The following NUDT14 variants were observed in gnomAD, a reference collection of about 807,000 sequenced individuals.
NUDT14 encodes nudix hydrolase 14.
In NUDT14, 22 loss-of-function variants were observed where a neutral mutation model predicts 17.5. The observed-to-expected ratio is 1.26, with a 90% CI of 0.90 to 1.80. The LOEUF is 1.80. NUDT14 is among the 40% of genes most tolerant of loss of function. The probability of loss-of-function intolerance (pLI) is 0.00; values close to 1 mark genes in which losing one functional copy is unlikely to be tolerated. For synonymous variants in NUDT14, 129 were observed against 125.8 expected (o/e 1.03, Z -0.17); for missense variants, 296 against 295.6 (o/e 1.00, Z -0.01).
intron 4 of NUDT14, among the ~76,000 whole-genome samples, chr14:105,175,309 C>T (rs587700491): frequency 3.9e-5 from 6 of 152,372 alleles, no homozygotes; most frequent in African/African-American, 7.2e-5. Flanking sequence ...TGGCCCACCA[C>T]GGGGTAGACA....
chr14:105,175,048 G>C (rs1171563477), intron 4 of NUDT14, among the ~76,000 whole-genome samples: 1 of 152,222 alleles, frequency 6.6e-6, no homozygotes, highest in African/African-American at 2.4e-5. Context: ...GTCTAAGCAG[G>C]ATGCCTACTT....
chr14:105,174,436 A>G (rs1247694990), intron 4 of NUDT14, among the ~76,000 whole-genome samples: 2 of 151,996 alleles, frequency 1.3e-5, no homozygotes, highest in Non-Finnish European at 2.9e-5. Flanking sequence ...GGCCAGCCGG[A>G]GGCCTGCAGG....
Position 105,176,553 on chromosome 14 carries a change from G to C in NUDT14, c.409C>G (p.Arg137Gly). Residue 137 changes from arginine to glycine, a missense_variant, in exon 4 of 5, where the codon CGC becomes GGC. Coordinates refer to ENST00000392568, the MANE Select transcript of NUDT14 (RefSeq NM_177533.5). ...CGYHLAPSDLRRVATYWSGVG... is the reference protein window; with the variant it reads ...CGYHLAPSDLGRVATYWSGVG... Reference sequence around the variant, plus strand: ...ACTCACCAGTATGTGGCGACCCGGCGCAGATCAGAGGGGGCCAAGTGGTAG... The same window carrying C: ...ACTCACCAGTATGTGGCGACCCGGCCCAGATCAGAGGGGGCCAAGTGGTAG... 6.2e-7 allele frequency: 1 copy of C among 1,612,532 alleles called. No individual in the cohort carries two copies. Among genetic ancestry groups the C allele is most frequent in the Non-Finnish European group, 8.5e-7 (1 of 1,179,772 alleles).
rs780336564 is a variant in NUDT14 at position 105,173,244 on chromosome 14, G to C, written c.446C>G (p.Thr149Ser). 5.7e-6 allele frequency: 9 copies of C among 1,576,322 alleles called. No homozygotes were observed. In the South Asian group the frequency reaches 7.1e-5, roughly 12 times the overall value. ...VATYWSGVGLTGSRQTMFYTE... is the reference protein window; with the variant it reads ...VATYWSGVGLSGSRQTMFYTE... ...GTAGAACATGGTCTGTCTGGAGCCA[G>C]TCAGTCCCACTCCAGACCTACGGGT... Residue 149 changes from threonine to serine, a missense_variant, in exon 5 of 5, where the codon ACT becomes AGT. Physicochemically the swap from Thr to Ser is moderately conservative, Grantham distance 58. Coordinates refer to ENST00000392568, the MANE Select transcript of NUDT14 (RefSeq NM_177533.5). The surrounding 1 kb of genome is among the most constrained non-coding windows in gnomAD (Gnocchi z 4.7).
In NUDT14 at chr14:105,177,672, A is replaced by G; in HGVS notation, c.125+20T>C. 6.2e-7 allele frequency: 1 copy of G among 1,611,324 alleles called. No individual in the cohort carries two copies. Among genetic ancestry groups the G allele is most frequent in the Non-Finnish European group, 8.5e-7 (1 of 1,178,876 alleles). On this transcript the variant is annotated intron_variant, in intron 2 of 4. Coordinates refer to ENST00000392568, the MANE Select transcript of NUDT14 (RefSeq NM_177533.5). ...TCAGTCTGGGGCTTCCCCAGTGGCC[A>G]GGCTGGGCCAGGCTCTCACCTGTCA...
At chr14:105,176,065 G>A in intron 4 of NUDT14, 1 of 1,154,658 alleles carries the variant, frequency 8.7e-7, no homozygotes, top group Non-Finnish European at 1.1e-6. Flanking sequence ...CCCTCGCGGG[G>A]CAAGAGTTGG....
Position 105,172,980 on chromosome 14 carries a change from G to A in NUDT14, c.*41C>T, listed in dbSNP as rs1345746534. 4 of 1,463,806 alleles carry A rather than the reference G, an allele frequency of 2.7e-6. No homozygotes were observed. The highest frequency in any genetic ancestry group is 1.4e-5 in the African/African-American group (1 of 69,894). 90.7% of individuals were successfully genotyped at this position (1,463,806 alleles called of 1,614,324 possible). A position where few individuals can be genotyped will look rare whatever the true frequency, so the allele number is the denominator to read the frequency against. ...TTTATTGGGGTCCGCGGGGTGTGGG[G>A]TGAGTGGCCAAGACTGGCCTCTGTC... On this transcript the variant is annotated 3_prime_UTR_variant, in exon 5 of 5. Coordinates refer to ENST00000392568, the MANE Select transcript of NUDT14 (RefSeq NM_177533.5).
intron 4 of NUDT14, chr14:105,176,124 G>A (rs986436780): frequency 4.9e-6 from 3 of 613,276 alleles, no homozygotes; most frequent in Non-Finnish European, 7.2e-6. Flanking sequence ...TCTAGTGCCT[G>A]TTCCCCAGGA....
At chr14:105,176,307 G>C (rs1202611577) in intron 4 of NUDT14, 15 of 592,450 alleles carry the variant, frequency 2.5e-5, no homozygotes, top group Non-Finnish European at 4.5e-5. Flanking sequence ...CACACAGCTG[G>C]GGGCCGCAGG....
intron 4 of NUDT14, 132 bp downstream of exon 4, chr14:105,176,402 C>T: frequency 1.2e-6 from 1 of 807,390 alleles, no homozygotes. Context: ...CGCATTCGGT[C>T]CAACCCTCCC....
Position 105,181,245 on chromosome 14 carries a change from C to A in NUDT14, c.-36G>T. ...GGACAGGCGGGGGCCGCGAGCTCTG[C>A]GGGGGCCGACACGGGGCGGCGCCCT... On this transcript the variant is annotated 5_prime_UTR_variant, in exon 1 of 5. Coordinates refer to ENST00000392568, the MANE Select transcript of NUDT14 (RefSeq NM_177533.5). The surrounding 1 kb of genome is among the most constrained non-coding windows in gnomAD (Gnocchi z 5.0). 1.1e-5 allele frequency: 4 copies of A among 374,246 alleles called. No homozygotes were observed. In the South Asian group the frequency reaches 3.4e-4, roughly 32 times the overall value. The allele number at this position is 374,246 out of a possible 1,614,324, so 23.2% of individuals were successfully genotyped here. A position where few individuals can be genotyped will look rare whatever the true frequency, so the allele number is the denominator to read the frequency against.
At chr14:105,176,839 C>A in intron 3 of NUDT14, 68 bp from the exon 4 acceptor site, 1 of 1,569,742 alleles carries the variant, frequency 6.4e-7, no homozygotes, top group Non-Finnish European at 8.7e-7. Context: ...CCCACACAGC[C>A]AAGCCCCCTC....
intron 3 of NUDT14, 90 bp from the exon 4 acceptor site, chr14:105,176,861 G>A: frequency 6.4e-7 from 1 of 1,553,146 alleles, no homozygotes; most frequent in South Asian, 1.1e-5. Context: ...CAGGGCCTCA[G>A]CTTCCCCTGG....
In NUDT14 at chr14:105,181,258, G is replaced by T; in HGVS notation, c.-49C>A. The T allele has an allele frequency of 1.4e-6, 1 of 720,458 alleles. No homozygotes were observed. Among genetic ancestry groups the T allele is most frequent in the Non-Finnish European group, 1.8e-6 (1 of 562,326 alleles). The allele number at this position is 720,458 out of a possible 1,614,324, so 44.6% of individuals were successfully genotyped here. ...CCGCGAGCTCTGCGGGGGCCGACAC[G>T]GGGCGGCGCCCTGTCCCGACAGGAG... On this transcript the variant is annotated 5_prime_UTR_variant, in exon 1 of 5. Coordinates refer to ENST00000392568, the MANE Select transcript of NUDT14 (RefSeq NM_177533.5). The surrounding 1 kb of genome is among the most constrained non-coding windows in gnomAD (Gnocchi z 5.0).
chr14:105,174,352 C>T (rs1227201811), intron 4 of NUDT14, among the ~76,000 whole-genome samples: 1 of 151,240 alleles, frequency 6.6e-6, no homozygotes, highest in Non-Finnish European at 1.5e-5. Context: ...GACTGAGGGG[C>T]ATCTGGGAAG....
intron 4 of NUDT14, chr14:105,175,745 C>T: frequency 9.9e-7 from 1 of 1,006,472 alleles, no homozygotes; most frequent in Non-Finnish European, 1.2e-6. Context: ...CCCATCCAGC[C>T]AGGAACGTGC....
At position 105,176,529 on chromosome 14, in the gene NUDT14, C is replaced by G; in HGVS notation, c.428+5G>C. On this transcript the variant is annotated splice_donor_5th_base_variant and intron_variant, in intron 4 of 4. Transcript: ENST00000392568. ...CCACAGGCCTGAGGGCCTGGTCCCACTCACCAGTATGTGGCGACCCGGCGC... is the reference window on the plus strand; with the variant it reads ...CCACAGGCCTGAGGGCCTGGTCCCAGTCACCAGTATGTGGCGACCCGGCGC... 6.2e-7 allele frequency: 1 copy of G among 1,608,450 alleles called. No homozygotes were observed. The highest frequency in any genetic ancestry group is 8.5e-7 in the Non-Finnish European group (1 of 1,176,032).
intron 4 of NUDT14, chr14:105,176,307 G>A (rs1202611577): frequency 1.7e-6 from 1 of 592,566 alleles, no homozygotes; most frequent in Non-Finnish European, 3.0e-6. Context: ...CACACAGCTG[G>A]GGGCCGCAGG....
chr14:105,181,203 G>A lies in NUDT14; in HGVS notation c.7C>T (p.Arg3Cys). 3.5e-6 allele frequency: 4 copies of A among 1,157,240 alleles called. No homozygotes were observed. The highest frequency in any genetic ancestry group is 3.7e-4 in the Middle Eastern group (1 of 2,706). The allele number at this position is 1,157,240 out of a possible 1,614,324, so 71.7% of individuals were successfully genotyped here. A position where few individuals can be genotyped will look rare whatever the true frequency, so the allele number is the denominator to read the frequency against. Residue 3 changes from arginine to cysteine, a missense_variant, in exon 1 of 5, where the codon CGC becomes TGC. Physicochemically the swap from Arg to Cys is radical, Grantham distance 180. Transcript: ENST00000392568. The surrounding 1 kb of genome is among the most constrained non-coding windows in gnomAD (Gnocchi z 5.0). MERIEGASVGRCA... is the reference protein window; with the variant it reads MECIEGASVGRCA... ...CGGCCCACGGACGCCCCCTCGATGCGCTCCATGGCGGCGCCCGGACAGGCG... is the reference window on the plus strand; with the variant it reads ...CGGCCCACGGACGCCCCCTCGATGCACTCCATGGCGGCGCCCGGACAGGCG...
Sources: gnomAD v4.1 joint callset for allele counts (sites outside exome capture counted in the v4.1 genomes callset) on GRCh38, gnomAD v4.1.1 for gene constraint, Gnocchi (gnomAD v3.1) non-coding constraint, MANE v1.5 for transcripts, NCBI Gene and HGNC (gene_info 2026-07-23, HGNC 2026-07-21) for gene names.